EXOC6B: variants seen among roughly 807,000 people sequenced by gnomAD.
The protein encoded by EXOC6B is exocyst complex component 6B, also known as SEC15 homolog B.
A neutral mutation model predicts 113.5 loss-of-function variants in EXOC6B; 54 were observed. The observed-to-expected ratio is 0.48, with a 90% CI of 0.38 to 0.60. The LOEUF is 0.60. EXOC6B is among the 20% of genes least tolerant of loss of function. EXOC6B has a pLI of 0.00. For missense variants in EXOC6B, 797 were observed against 977.5 expected, an observed-to-expected ratio of 0.82 and a Z score of 2.46; for synonymous variants, 357 against 339.0, an observed-to-expected ratio of 1.05 and a Z score of -0.58.
At chr2:72,421,099 G>T (rs1050888099) in intron 18 of EXOC6B, among the ~76,000 whole-genome samples, 1 of 151,688 alleles carries the variant, frequency 6.6e-6, no homozygotes, top group Admixed American at 6.6e-5. Flanking sequence ...TTTTTTTCTT[G>T]TAAATTTGTT....
chr2:72,471,337 GA>G (rs1698400674), intron 17 of EXOC6B, among the ~76,000 whole-genome samples: 1 of 152,096 alleles, frequency 6.6e-6, no homozygotes, highest in South Asian at 2.1e-4. Flanking sequence ...AAATTTGTTT[GA>G]GTTTATTGTA....
At chr2:72,689,702 C>T (rs1053452410) in intron 6 of EXOC6B, among the ~76,000 whole-genome samples, 10 of 152,266 alleles carry the variant, frequency 6.6e-5, no homozygotes, top group Non-Finnish European at 1.5e-4. Context: ...TACTATCTCT[C>T]CTTGCAATCT....
In EXOC6B at chr2:72,515,613, C is replaced by T. The variant is rs1701170601; in HGVS notation, c.916-487G>A. On this transcript the variant is annotated intron_variant, in intron 8 of 21. Coordinates refer to ENST00000272427, the MANE Select transcript of EXOC6B (RefSeq NM_015189.3). ...TTCCCCCTTAGGTTATAATCCAGCA[C>T]AGGATTAAACCCAAAAAACAAAAAC... 1.1e-5 allele frequency: 11 copies of T among 992,128 alleles called. No homozygotes were observed. The South Asian group carries it at 4.1e-4, about 37-fold the overall frequency. The allele number at this position is 992,128 out of a possible 1,614,324, so 61.5% of individuals were successfully genotyped here. A position where few individuals can be genotyped will look rare whatever the true frequency, so the allele number is the denominator to read the frequency against.
intron 6 of EXOC6B, among the ~76,000 whole-genome samples, chr2:72,585,639 A>G (rs1475891666): frequency 6.6e-6 from 1 of 152,106 alleles, no homozygotes; most frequent in Admixed American, 6.6e-5. Flanking sequence ...CCACAGAAAT[A>G]TAAAAGATCC....
intron 2 of EXOC6B, 104 bp from the exon 3 acceptor site, chr2:72,733,222 AT>A: frequency 1.2e-6 from 1 of 819,360 alleles, no homozygotes; most frequent in Non-Finnish European, 2.0e-6. Flanking sequence ...GCAGTTAAAT[AT>A]TTTCAGTACT....
Position 72,720,538 on chromosome 2 carries a change from A to G in EXOC6B, c.465-2231T>C, listed in dbSNP as rs111909008. On this transcript the variant is annotated intron_variant, in intron 5 of 21. Coordinates refer to ENST00000272427, the MANE Select transcript of EXOC6B (RefSeq NM_015189.3). The stretch of plus-strand genomic sequence containing the variant: ...CAAGGTGGGCAGATCACTTGAGCTC[A>G]GGAGTTTGAGATCTGCCTGGGCAAC... Among the ~76,000 whole-genome samples the G allele has an allele frequency of 5.4e-4, 83 of 152,330 alleles. 1 individual carries two copies. The highest frequency in any genetic ancestry group is 1.8e-3 in the African/African-American group (74 of 41,576).
chr2:72,584,022 C>T (rs567177923), intron 6 of EXOC6B, among the ~76,000 whole-genome samples: 38 of 152,104 alleles, frequency 2.5e-4, no homozygotes, highest in South Asian at 8.3e-4. Context: ...CGCACCCGGC[C>T]CCTTAAGGGA....
At chr2:72,720,462 A>C (rs763807228) in intron 5 of EXOC6B, among the ~76,000 whole-genome samples, 1 of 152,132 alleles carries the variant, frequency 6.6e-6, no homozygotes, top group Non-Finnish European at 1.5e-5. Context: ...AAAAGAAACC[A>C]CAAGGCTGGG....
chr2:72,285,317 T>C (rs1372093732), intron 20 of EXOC6B, among the ~76,000 whole-genome samples: 1 of 151,800 alleles, frequency 6.6e-6, no homozygotes, highest in Non-Finnish European at 1.5e-5. Context: ...CAGACCCACA[T>C]AAATACAGTC....
In EXOC6B at chr2:72,257,669, T is replaced by A. The variant is rs1683434292; in HGVS notation, c.2197-73482A>T. On this transcript the variant is annotated intron_variant, in intron 20 of 21. Transcript: ENST00000272427. ...GACAGGATTTGTGAATTCTGCAGAA[T>A]TAGTATGACTTAGAAAGATCAATGA... Among the ~76,000 whole-genome samples the A allele has an allele frequency of 2.6e-5, 4 of 152,190 alleles. 1 individual carries two copies.
intron 20 of EXOC6B, among the ~76,000 whole-genome samples, chr2:72,265,557 T>A (rs2104601387): frequency 6.6e-6 from 1 of 152,048 alleles, no homozygotes; most frequent in South Asian, 2.1e-4. Context: ...TCCAATTTCA[T>A]CCATGTCCCT....
chr2:72,653,605 C>G (rs555277601), intron 6 of EXOC6B, among the ~76,000 whole-genome samples: 2 of 144,856 alleles, frequency 1.4e-5, no homozygotes, highest in Non-Finnish European at 3.0e-5. Flanking sequence ...GCAACCCCCC[C>G]CCAAAAAGAA....
intron 6 of EXOC6B, among the ~76,000 whole-genome samples, chr2:72,617,314 C>A (rs1671448362): frequency 6.6e-6 from 1 of 151,942 alleles, no homozygotes; most frequent in African/African-American, 2.4e-5. Context: ...GGATGGTGGC[C>A]CTTTTCTCAC....
intron 20 of EXOC6B, among the ~76,000 whole-genome samples, chr2:72,306,428 G>A (rs1686863110): frequency 6.6e-6 from 1 of 151,868 alleles, no homozygotes; most frequent in South Asian, 2.1e-4. Flanking sequence ...TACATTTTTT[G>A]TGTATTATGC....
intron 1 of EXOC6B, among the ~76,000 whole-genome samples, chr2:72,789,113 T>C (rs1434203431): frequency 6.6e-6 from 1 of 152,216 alleles, no homozygotes; most frequent in African/African-American, 2.4e-5. Flanking sequence ...CTTGCAATTT[T>C]CCACTGGGTT....
chr2:72,443,064 C>T (rs533225661), intron 18 of EXOC6B, among the ~76,000 whole-genome samples: 6 of 152,134 alleles, frequency 3.9e-5, no homozygotes, highest in South Asian at 2.1e-4. Flanking sequence ...CGGTGCCTCA[C>T]GCCTGTAATC....
At chr2:72,807,818 G>C (rs769627680) in intron 1 of EXOC6B, among the ~76,000 whole-genome samples, 2 of 150,038 alleles carry the variant, frequency 1.3e-5, no homozygotes, top group African/African-American at 5.0e-5. Flanking sequence ...ATGGTTCAGA[G>C]GAGAAGTAGG....
At chr2:72,682,224 T>C (rs1203054609) in intron 6 of EXOC6B, among the ~76,000 whole-genome samples, 2 of 152,296 alleles carry the variant, frequency 1.3e-5, no homozygotes, top group East Asian at 1.9e-4. Flanking sequence ...AAATAGCATC[T>C]TTCCCAGCTG....
At chr2:72,810,194 TG>T (rs1170838131) in intron 1 of EXOC6B, among the ~76,000 whole-genome samples, 1 of 152,048 alleles carries the variant, frequency 6.6e-6, no homozygotes, top group African/African-American at 2.4e-5. Flanking sequence ...TTGGGCAAGA[TG>T]GTGAGACTCC....
Sources: allele counts gnomAD v4.1 joint callset (sites outside exome capture counted in the v4.1 genomes callset), GRCh38; gene constraint gnomAD v4.1.1; transcripts MANE v1.5; gene names NCBI Gene and HGNC (gene_info 2026-07-23, HGNC 2026-07-21).